The following CCDC7 variants were observed in gnomAD, a reference collection of about 807,000 sequenced individuals.
The protein encoded by CCDC7 is coiled-coil domain-containing protein 7.
In CCDC7, 183 loss-of-function variants were observed where a neutral mutation model predicts 196.9. The ratio of observed to expected loss-of-function variants is 0.93; its 90% CI spans 0.82 to 1.05. The LOEUF is 1.05. Among genes scored for constraint, CCDC7 ranks in the 50% least tolerant of loss-of-function variants. The probability of loss-of-function intolerance (pLI) is 0.00; values close to 1 mark genes in which losing one functional copy is unlikely to be tolerated. For missense variants in CCDC7, 1,540 were observed against 1,482.2 expected (o/e 1.04, Z -0.64); for synonymous variants, 525 against 484.6 (o/e 1.08, Z -1.10).
intron 23 of CCDC7, among the ~76,000 whole-genome samples, chr10:32,692,428 A>G (rs564816488): frequency 6.6e-6 from 1 of 152,320 alleles, no homozygotes; most frequent in South Asian, 2.1e-4. Context: ...AGCATTCTAG[A>G]AAACCGCATG....
intron 29 of CCDC7, among the ~76,000 whole-genome samples, chr10:32,787,831 A>G (rs1350999673): frequency 3.9e-5 from 6 of 151,978 alleles, no homozygotes; most frequent in Non-Finnish European, 7.4e-5. Context: ...CCCAGGCTTC[A>G]GGCTCGCCCC....
At chr10:32,588,762 G>T (rs1468841729) in intron 18 of CCDC7, among the ~76,000 whole-genome samples, 3 of 151,994 alleles carry the variant, frequency 2.0e-5, no homozygotes, top group African/African-American at 7.2e-5. Context: ...CATCAGTGAG[G>T]CCATCTGGTC....
chr10:32,625,816 A>T (rs771768593), intron 18 of CCDC7, among the ~76,000 whole-genome samples: 2 of 126,612 alleles, frequency 1.6e-5, no homozygotes, highest in African/African-American at 5.2e-5. Context: ...AAGTGAAAAC[A>T]TGTGGTATTT....
At chr10:32,460,699 T>C (rs907797523) in intron 3 of CCDC7, among the ~76,000 whole-genome samples, 2 of 152,232 alleles carry the variant, frequency 1.3e-5, no homozygotes, top group Non-Finnish European at 2.9e-5. Context: ...GTATATTTTC[T>C]GAAGGATCTC....
chr10:32,693,822 G>A (rs1053527990), intron 23 of CCDC7, among the ~76,000 whole-genome samples: 3 of 152,086 alleles, frequency 2.0e-5, no homozygotes, highest in Admixed American at 6.6e-5. Context: ...GTGAGTGTGG[G>A]TATGTGTCTG....
In CCDC7 at chr10:32,500,648, G is replaced by A. The variant is rs546110981; in HGVS notation, c.872+8651G>A. On this transcript the variant is annotated intron_variant, in intron 9 of 41. Transcript: ENST00000639629. ...CTCCTCACTTCCAAGATGGGGTGGCGGCCGGGCAGAGGCTGCAATCTCGGC... is the reference window on the plus strand; with the variant it reads ...CTCCTCACTTCCAAGATGGGGTGGCAGCCGGGCAGAGGCTGCAATCTCGGC... Among the ~76,000 whole-genome samples, 76 of 152,314 alleles carry A rather than the reference G, an allele frequency of 5.0e-4. 1 individual carries two copies. In the Middle Eastern group the frequency reaches 0.014, roughly 27 times the overall value.
upstream of CCDC7, among the ~76,000 whole-genome samples, chr10:32,443,871 A>G (rs2030465846): frequency 6.6e-6 from 1 of 152,196 alleles, no homozygotes; most frequent in East Asian, 1.9e-4. Flanking sequence ...TAATGTGTAG[A>G]TAAATATTGA....
chr10:32,483,248 A>G (rs1401220727), intron 8 of CCDC7, among the ~76,000 whole-genome samples: 1 of 152,232 alleles, frequency 6.6e-6, no homozygotes, highest in Non-Finnish European at 1.5e-5. Flanking sequence ...TCTGATGGCC[A>G]GTGATGATGA....
At chr10:32,616,009 T>C (rs1181148544) in intron 18 of CCDC7, among the ~76,000 whole-genome samples, 1 of 152,228 alleles carries the variant, frequency 6.6e-6, no homozygotes, top group East Asian at 1.9e-4. Flanking sequence ...TTCTCTTCCA[T>C]TGATCTGTGT....
At chr10:32,535,237 A>G (rs1352901796) in intron 11 of CCDC7, among the ~76,000 whole-genome samples, 1 of 152,018 alleles carries the variant, frequency 6.6e-6, no homozygotes, top group Non-Finnish European at 1.5e-5. Context: ...GATTGCCACT[A>G]TAGTGAATTT....
intron 18 of CCDC7, among the ~76,000 whole-genome samples, chr10:32,587,786 G>C (rs967975565): frequency 1.2e-4 from 18 of 152,030 alleles, no homozygotes; most frequent in African/African-American, 4.4e-4. Context: ...GGATCTTTTA[G>C]TACAATGTTG....
intron 9 of CCDC7, among the ~76,000 whole-genome samples, chr10:32,492,422 A>C (rs1397953188): frequency 6.6e-6 from 1 of 152,176 alleles, no homozygotes; most frequent in African/African-American, 2.4e-5. Flanking sequence ...CACAATAGCC[A>C]AAAGATGGAA....
At chr10:32,840,947 C>T (rs1235601510) in intron 33 of CCDC7, among the ~76,000 whole-genome samples, 2 of 151,966 alleles carry the variant, frequency 1.3e-5, no homozygotes, top group Non-Finnish European at 2.9e-5. Context: ...TGACAGAATC[C>T]AGCATCGCTT....
chr10:32,562,489 G>A (rs1010478524), intron 13 of CCDC7, among the ~76,000 whole-genome samples: 3 of 152,232 alleles, frequency 2.0e-5, no homozygotes, highest in Admixed American at 1.3e-4. Context: ...ATGCAAGGCT[G>A]GTTCAATATA....
intron 31 of CCDC7, among the ~76,000 whole-genome samples, chr10:32,822,682 T>C (rs1300930015): frequency 2.6e-5 from 4 of 152,188 alleles, no homozygotes; most frequent in Admixed American, 6.5e-5. Context: ...GTAATTAGTG[T>C]AAATGTGAAA....
chr10:32,473,882 A>C, intron 7 of CCDC7, 85 bp from the exon 9 acceptor site: 2 of 1,270,478 alleles, frequency 1.6e-6, no homozygotes, highest in Non-Finnish European at 2.1e-6. Flanking sequence ...ATAAGTTACT[A>C]AAATTAAAAC....
intron 20 of CCDC7, among the ~76,000 whole-genome samples, chr10:32,655,265 A>G (rs1349100056): frequency 6.6e-6 from 1 of 151,788 alleles, no homozygotes; most frequent in East Asian, 1.9e-4. Flanking sequence ...GGGCATATTA[A>G]CATGCTAACT....
chr10:32,715,007 G>C (rs963120616), intron 25 of CCDC7, among the ~76,000 whole-genome samples: 1 of 152,224 alleles, frequency 6.6e-6, no homozygotes, highest in African/African-American at 2.4e-5. Flanking sequence ...TGCTGGCTTT[G>C]AAGAGAGCAG....
chr10:32,684,558 C>T (rs1036805377), intron 21 of CCDC7, among the ~76,000 whole-genome samples: 13 of 152,194 alleles, frequency 8.5e-5, no homozygotes, highest in African/African-American at 3.1e-4. Flanking sequence ...TGGGTCACCA[C>T]TATTTCCTTG....
Sources: allele counts gnomAD v4.1 joint callset (sites outside exome capture counted in the v4.1 genomes callset), GRCh38; gene constraint gnomAD v4.1.1; transcripts MANE v1.5; gene names NCBI Gene and HGNC (gene_info 2026-07-23, HGNC 2026-07-21).